Variants in PPP4R3B observed in about 807,000 individuals in gnomAD.
The protein encoded by PPP4R3B is serine/threonine-protein phosphatase 4 regulatory subunit 3B.
PPP4R3B carries 52 observed loss-of-function variants against 95.4 expected under a neutral mutation model. The ratio of observed to expected loss-of-function variants is 0.54; its 90% CI spans 0.44 to 0.69. PPP4R3B has a LOEUF of 0.69. Ranked by LOEUF, PPP4R3B falls within the 30% of genes least tolerant of loss-of-function variation. The pLI is 0.00. For missense variants in PPP4R3B, 1,003 were observed against 1,005.9 expected (o/e 1.00, Z 0.04); for synonymous variants, 407 against 343.9 (o/e 1.18, Z -2.03).
At chr2:55,577,124 A>C (rs1202105462) in intron 11 of PPP4R3B, among the ~76,000 whole-genome samples, 191 bp downstream of exon 11, 1 of 152,204 alleles carries the variant, frequency 6.6e-6, no homozygotes, top group Non-Finnish European at 1.5e-5. Context: ...TTTTCAGGGA[A>C]AAACAACAGA....
chr2:55,549,912 T>C lies in PPP4R3B; in HGVS notation c.2549A>G (p.Ter850=), dbSNP rs370777934. 8 of 1,611,234 alleles carry C rather than the reference T, an allele frequency of 5.0e-6. No individual in the cohort carries two copies. The African/African-American group carries it at 1.1e-4, about 22-fold the overall frequency. Residue 850 remains the stop codon, a stop_retained_variant, in exon 17 of 17, where the codon TAA becomes TGA. Transcript: ENST00000616407. ...GTTGAGGGTCCCCTAATAAATATTT[T>C]ATGAGCCAAGACGAGGTCTTTTCCT... is the stretch of plus-strand genomic sequence containing the variant. The part of the protein sequence containing the change: ...SPRKRPRLGS[*]
Position 55,598,930 on chromosome 2 carries a change from G to A in PPP4R3B, c.407C>T (p.Thr136Ile). The A allele has an allele frequency of 6.2e-7, 1 of 1,614,194 alleles. No individual in the cohort carries two copies. The highest frequency in any genetic ancestry group is 8.5e-7 in the Non-Finnish European group (1 of 1,180,040). ...PETSHLIDLP[T>I]CELNKLEEIA... ...CTCTTCAAGTTTATTGAGTTCACAT[G>A]TGGGCAGGTCAATCAGATGACTAGT... Residue 136 changes from threonine (T) to isoleucine (I), a missense_variant, in exon 4 of 17, where the codon ACA becomes ATA. Thr to Ile is a moderately conservative substitution (Grantham distance 89). Transcript: ENST00000616407.
At chr2:55,600,281 C>A (rs1308157367) in intron 3 of PPP4R3B, among the ~76,000 whole-genome samples, 2 of 151,988 alleles carry the variant, frequency 1.3e-5, no homozygotes. Flanking sequence ...ACAAAATTAG[C>A]TGGGCGTGGT....
In PPP4R3B at chr2:55,549,419, T is replaced by C. The variant is rs1296164408; in HGVS notation, c.*492A>G. The C allele has an allele frequency of 2.6e-5, 4 of 153,566 alleles. No individual in the cohort carries two copies. Among genetic ancestry groups the C allele is most frequent in the African/African-American group, 9.6e-5 (4 of 41,566 alleles). 9.5% of individuals were successfully genotyped at this position (153,566 alleles called of 1,614,324 possible). On this transcript the variant is annotated 3_prime_UTR_variant, in exon 17 of 17. Transcript: ENST00000616407. The stretch of plus-strand genomic sequence containing the variant: ...AAATGGTCCCAACAGCTTAACTTCA[T>C]TTTTTTAATGATAGTTGAATGTGTT...
chr2:55,588,024 C>T (rs907125461), intron 5 of PPP4R3B, among the ~76,000 whole-genome samples: 1 of 152,062 alleles, frequency 6.6e-6, no homozygotes, highest in African/African-American at 2.4e-5. Context: ...ATAACATATA[C>T]TTTCCCTTCT....
At chr2:55,550,573 T>C (rs997047421) in intron 16 of PPP4R3B, among the ~76,000 whole-genome samples, 1 of 152,208 alleles carries the variant, frequency 6.6e-6, no homozygotes, top group Non-Finnish European at 1.5e-5. Context: ...ATTCGTGGTC[T>C]TGGCCTTTGA....
chr2:55,593,619 T>G (rs1447372935), intron 4 of PPP4R3B, among the ~76,000 whole-genome samples: 1 of 152,168 alleles, frequency 6.6e-6, no homozygotes, highest in Non-Finnish European at 1.5e-5. Flanking sequence ...TAGAGGCCAC[T>G]GTAGGGCCAG....
At chr2:55,559,054 T>A (rs1009782768) in intron 15 of PPP4R3B, 86 bp from the exon 16 acceptor site, 40 of 1,120,248 alleles carry the variant, frequency 3.6e-5, no homozygotes, top group Middle Eastern at 3.1e-4. Flanking sequence ...AAAAAACTTA[T>A]AAAACATTGC....
chr2:55,601,391 T>C (rs1020271240), intron 3 of PPP4R3B, among the ~76,000 whole-genome samples: 23 of 151,742 alleles, frequency 1.5e-4, no homozygotes, highest in African/African-American at 5.6e-4. Context: ...TTTCTTTTTT[T>C]TTTTTTTGAG....
At chr2:55,555,873 GAC>G (rs1212752431) in intron 16 of PPP4R3B, among the ~76,000 whole-genome samples, 1 of 152,124 alleles carries the variant, frequency 6.6e-6, no homozygotes, top group Non-Finnish European at 1.5e-5. Context: ...GTGAATCTGT[GAC>G]GTGTTTATTT....
chr2:55,605,968 C>A (rs1037182653), intron 2 of PPP4R3B, among the ~76,000 whole-genome samples: 1 of 150,650 alleles, frequency 6.6e-6, no homozygotes, highest in African/African-American at 2.4e-5. Flanking sequence ...GTTTTCAAAC[C>A]TTTTTTTAAA....
intron 12 of PPP4R3B, among the ~76,000 whole-genome samples, chr2:55,571,202 C>T (rs774976709): frequency 1.1e-4 from 16 of 151,514 alleles, no homozygotes; most frequent in Non-Finnish European, 1.3e-4. Flanking sequence ...CCCAGCTACT[C>T]GAAAGGCTGA....
chr2:55,561,655 T>C (rs1686641581), intron 15 of PPP4R3B, among the ~76,000 whole-genome samples: 1 of 152,156 alleles, frequency 6.6e-6, no homozygotes, highest in African/African-American at 2.4e-5. Context: ...TCAAAGGAGA[T>C]TATTTTGGAG....
chr2:55,595,051 G>C (rs1691576761), intron 4 of PPP4R3B, among the ~76,000 whole-genome samples: 2 of 142,940 alleles, frequency 1.4e-5, no homozygotes, highest in African/African-American at 2.6e-5. Context: ...TTTTCAGACA[G>C]TCTCGCTCTG....
In PPP4R3B at chr2:55,573,655, C is replaced by T. The variant is rs1392070461; in HGVS notation, c.1729G>A (p.Val577Ile). ...MNKDLLRRVL[V>I]LMNSKHTFLA... ...AAAGTGTGCTTTGAATTCATCAAGA[C>T]CAAGACTCTTCTTAGCAAGTCCTTG... The change falls in exon 12 of 17, where the codon GTC becomes ATC. Residue 577 changes from valine to isoleucine, a missense_variant. Around this residue, in one of 3 missense-constraint regions of PPP4R3B, gnomAD observed 695 missense variants for 686.2 expected, o/e 1.01. Transcript: ENST00000616407. 4 of 1,544,388 alleles carry T rather than the reference C, an allele frequency of 2.6e-6. No homozygotes were observed. The highest frequency in any genetic ancestry group is 2.6e-6 in the Non-Finnish European group (3 of 1,144,920).
At chr2:55,608,518 C>T (rs775187665) in intron 2 of PPP4R3B, among the ~76,000 whole-genome samples, 4 of 152,180 alleles carry the variant, frequency 2.6e-5, no homozygotes, top group Non-Finnish European at 5.9e-5. Flanking sequence ...CCATCCATCT[C>T]TGTCCATCTC....
chr2:55,573,871 A>G (rs968024188), intron 11 of PPP4R3B, 94 bp from the exon 12 acceptor site: 40 of 732,666 alleles, frequency 5.5e-5, no homozygotes, highest in Middle Eastern at 9.0e-4. Flanking sequence ...AACAAAATCT[A>G]AACTGTATTT....
chr2:55,586,315 G>C (rs1190975663), intron 6 of PPP4R3B, among the ~76,000 whole-genome samples: 1 of 152,028 alleles, frequency 6.6e-6, no homozygotes, highest in African/African-American at 2.4e-5. Flanking sequence ...TCCACTCACT[G>C]ATCTAAAAAC....
chr2:55,613,138 A>C (rs1694413237), intron 2 of PPP4R3B, among the ~76,000 whole-genome samples: 1 of 152,154 alleles, frequency 6.6e-6, no homozygotes, highest in African/African-American at 2.4e-5. Flanking sequence ...GTGCAAATTG[A>C]AGATTTGGGT....
Sources: gnomAD v4.1 joint callset for allele counts (sites outside exome capture counted in the v4.1 genomes callset) on GRCh38, gnomAD v4.1.1 for gene constraint, gnomAD v4.1.1 regional missense constraint, MANE v1.5 for transcripts, NCBI Gene and HGNC (gene_info 2026-07-23, HGNC 2026-07-21) for gene names.